DTX4: variants seen among roughly 807,000 people sequenced by gnomAD.
DTX4 encodes deltex E3 ubiquitin ligase 4.
Under a neutral mutation model 57.6 loss-of-function variants are expected in DTX4, and 28 were observed. The ratio of observed to expected loss-of-function variants is 0.49; its 90% CI spans 0.36 to 0.67. The LOEUF (loss-of-function observed/expected upper bound fraction) is 0.67, where lower values mean the gene tolerates loss of function less well. DTX4 is among the 30% of genes least tolerant of loss of function. The probability of loss-of-function intolerance (pLI) is 0.00; values close to 1 mark genes in which losing one functional copy is unlikely to be tolerated. For synonymous variants in DTX4, 316 were observed against 331.0 expected (o/e 0.95, Z 0.49); for missense variants, 715 against 836.8 (o/e 0.85, Z 1.80).
chr11:59,182,161 C>T lies in DTX4; in HGVS notation c.634C>T (p.Leu212=). ...AAVVNGSTGP[L]QLPVTRKNMP... ...CGTGGTCAATGGCAGCACTGGGCCC[C>T]TACAGCTGCCAGTGACCCGCAAGAA... Residue 212 remains leucine (L), a synonymous_variant, in exon 2 of 9, where the codon CTA becomes TTA. Transcript: ENST00000227451. 6.2e-7 allele frequency: 1 copy of T among 1,613,032 alleles called. No individual in the cohort carries two copies.
At chr11:59,174,852 G>C (rs1378217994) in intron 1 of DTX4, among the ~76,000 whole-genome samples, 4 of 152,116 alleles carry the variant, frequency 2.6e-5, no homozygotes, top group African/African-American at 9.7e-5. Context: ...CATTTTAAAG[G>C]CTGCCTCAGG....
rs767716676 is a variant in DTX4 at position 59,189,226 on chromosome 11, G to T, written c.1062G>T (p.Leu354=). 44 of 1,613,300 alleles carry T rather than the reference G, an allele frequency of 2.7e-5. No individual in the cohort carries two copies. Among genetic ancestry groups the T allele is most frequent in the Non-Finnish European group, 4.2e-6 (5 of 1,179,726 alleles). Residue 354 remains leucine (L), a synonymous_variant, in exon 4 of 9, where the codon CTG becomes CTT. Coordinates refer to ENST00000227451, the MANE Select transcript of DTX4 (RefSeq NM_015177.2). ...TGTGTCTCACCAGGCCACCAAAGCT[G>T]GTCCTACACCCACCCCCCGTCAGCA... The part of the protein sequence containing the change: ...LPVCLTRPPK[L]VLHPPPVSKS...
intron 8 of DTX4, 87 bp from the exon 9 acceptor site, chr11:59,204,589 C>G: frequency 1.6e-6 from 2 of 1,244,894 alleles, no homozygotes; most frequent in South Asian, 1.4e-5. Flanking sequence ...AGGGATGGGG[C>G]CCTTGGGAGG....
intron 7 of DTX4, among the ~76,000 whole-genome samples, chr11:59,195,850 A>G (rs1862660873): frequency 1.3e-5 from 2 of 152,368 alleles, no homozygotes; most frequent in East Asian, 3.9e-4. Flanking sequence ...CCTTGTACAC[A>G]TGTGAATATA....
intron 7 of DTX4, among the ~76,000 whole-genome samples, chr11:59,199,168 C>T (rs1000525654): frequency 2.0e-5 from 3 of 152,190 alleles, no homozygotes; most frequent in East Asian, 1.9e-4. Flanking sequence ...AGCTTGGAGG[C>T]ACTTTCTTTA....
At chr11:59,190,299 G>C (rs990763531) in intron 4 of DTX4, among the ~76,000 whole-genome samples, 1 of 151,896 alleles carries the variant, frequency 6.6e-6, no homozygotes, top group Non-Finnish European at 1.5e-5. Flanking sequence ...AGTGCATATC[G>C]GGCCCTTATC....
chr11:59,195,120 C>A, intron 6 of DTX4, 88 bp from the exon 7 acceptor site: 2 of 1,277,794 alleles, frequency 1.6e-6, no homozygotes, highest in East Asian at 4.7e-5. Flanking sequence ...TCCCCTGGCC[C>A]TTCATCTCTG....
intron 5 of DTX4, among the ~76,000 whole-genome samples, chr11:59,191,444 T>A (rs1862597893): frequency 6.6e-6 from 1 of 152,236 alleles, no homozygotes; most frequent in African/African-American, 2.4e-5. Context: ...AACAGTGTGA[T>A]AAGCCACAAG....
At chr11:59,174,117 C>T (rs75219056) in intron 1 of DTX4, among the ~76,000 whole-genome samples, 4,429 of 152,182 alleles carry the variant, frequency 0.029, 162 homozygotes, top group East Asian at 0.1. Context: ...CCCTCATGTC[C>T]CCATCTTTAG....
At chr11:59,176,574 G>A (rs550074140) in intron 1 of DTX4, among the ~76,000 whole-genome samples, 20 of 152,336 alleles carry the variant, frequency 1.3e-4, no homozygotes, top group Admixed American at 8.5e-4. Flanking sequence ...TCTGGTGGGC[G>A]TGGGGGATGC....
At position 59,188,721 on chromosome 11, in the gene DTX4, CT is replaced by C; in HGVS notation, c.936-11del. ...GTGTCAAAATGACATTGTATCTGCTCTTTCCTTTCACAGGGTCCCCACAGTC... is the reference window on the plus strand; with the variant it reads ...GTGTCAAAATGACATTGTATCTGCTCTTCCTTTCACAGGGTCCCCACAGTC... On this transcript the variant is annotated splice_polypyrimidine_tract_variant and intron_variant, in intron 2 of 8. Transcript: ENST00000227451. 1 of 1,612,448 alleles carries C rather than the reference CT, an allele frequency of 6.2e-7. No individual in the cohort carries two copies. Among genetic ancestry groups the C allele is most frequent in the Non-Finnish European group, 8.5e-7 (1 of 1,178,528 alleles).
At chr11:59,192,868 T>C (rs979234072) in intron 6 of DTX4, among the ~76,000 whole-genome samples, 6 of 152,210 alleles carry the variant, frequency 3.9e-5, no homozygotes, top group Admixed American at 3.9e-4. Context: ...AATGCAATGG[T>C]ATCCCCTCAT....
At chr11:59,202,224 C>T (rs1489999306) in intron 8 of DTX4, among the ~76,000 whole-genome samples, 1 of 152,208 alleles carries the variant, frequency 6.6e-6, no homozygotes, top group Non-Finnish European at 1.5e-5. Context: ...ATTTGCTGTT[C>T]CAGGACCCTA....
intron 1 of DTX4, among the ~76,000 whole-genome samples, chr11:59,175,636 C>T (rs918881898): frequency 8.5e-5 from 13 of 152,162 alleles, no homozygotes; most frequent in Non-Finnish European, 1.8e-4. Context: ...CCAAAAGCCT[C>T]GGTGGGCCCC....
chr11:59,175,830 G>T (rs1374648485), intron 1 of DTX4, among the ~76,000 whole-genome samples: 1 of 152,036 alleles, frequency 6.6e-6, no homozygotes, highest in Non-Finnish European at 1.5e-5. Context: ...AACAACTGTG[G>T]CTCTCATTCC....
chr11:59,206,787 GGT>G lies in DTX4; in HGVS notation c.*1879_*1880del, dbSNP rs1217421920. 1 of 152,546 alleles carries G rather than the reference GGT, an allele frequency of 6.6e-6. No individual in the cohort carries two copies. Among genetic ancestry groups the G allele is most frequent in the Non-Finnish European group, 1.5e-5 (1 of 68,032 alleles). 9.4% of individuals were successfully genotyped at this position (152,546 alleles called of 1,614,324 possible). ...CTGAGCCTTTGCTCTCTTTCCAAAT[GGT>G]TACAGGGATGTTGATCAGCTCCACC... is the stretch of plus-strand genomic sequence containing the variant. On this transcript the variant is annotated 3_prime_UTR_variant, in exon 9 of 9. Coordinates refer to ENST00000227451, the MANE Select transcript of DTX4 (RefSeq NM_015177.2).
chr11:59,176,984 G>T (rs958670135), intron 1 of DTX4, among the ~76,000 whole-genome samples: 1 of 152,120 alleles, frequency 6.6e-6, no homozygotes, highest in Non-Finnish European at 1.5e-5. Flanking sequence ...TGGTTCTGAG[G>T]TCTGCATGCT....
In DTX4 at chr11:59,205,205, A is replaced by C; in HGVS notation, c.*296A>C. On this transcript the variant is annotated 3_prime_UTR_variant, in exon 9 of 9. Transcript: ENST00000227451. The stretch of plus-strand genomic sequence containing the variant: ...GAATCCCCTCCCTACCCCACCTCCC[A>C]AGTAGGGGCATGGTCAGCACACCTA... The C allele has an allele frequency of 2.7e-6, 1 of 372,738 alleles. No individual in the cohort carries two copies. Among genetic ancestry groups the C allele is most frequent in the Non-Finnish European group, 5.1e-6 (1 of 195,240 alleles). 23.1% of individuals were successfully genotyped at this position (372,738 alleles called of 1,614,324 possible).
chr11:59,181,566 T>C (rs1449558276), intron 1 of DTX4, among the ~76,000 whole-genome samples, 173 bp from the exon 2 acceptor site: 3 of 152,186 alleles, frequency 2.0e-5, no homozygotes, highest in Non-Finnish European at 4.4e-5. Flanking sequence ...ATAGACATCT[T>C]AAAGGGAGAA....
Sources: gnomAD v4.1 joint callset for allele counts (sites outside exome capture counted in the v4.1 genomes callset) on GRCh38, gnomAD v4.1.1 for gene constraint, MANE v1.5 for transcripts, NCBI Gene and HGNC (gene_info 2026-07-23, HGNC 2026-07-21) for gene names.